The following PPP1R7 variants were observed in gnomAD, a reference collection of about 807,000 sequenced individuals.
PPP1R7 encodes the protein protein phosphatase 1 regulatory subunit 7, also known as protein phosphatase 1 regulatory subunit 22.
In PPP1R7, 18 loss-of-function variants were observed where a neutral mutation model predicts 45.2. The ratio of observed to expected loss-of-function variants is 0.40; its 90% CI spans 0.28 to 0.59. PPP1R7 has a LOEUF of 0.59. PPP1R7 is among the 20% of genes least tolerant of loss of function. The probability of loss-of-function intolerance (pLI) is 0.46; values close to 1 mark genes in which losing one functional copy is unlikely to be tolerated. For missense variants in PPP1R7, 314 were observed against 455.8 expected (o/e 0.69, Z 2.83); for synonymous variants, 181 against 183.4 (o/e 0.99, Z 0.11).
At chr2:241,163,586 CTTTT>C (rs1323569720) in intron 7 of PPP1R7, among the ~76,000 whole-genome samples, 185 bp downstream of exon 7, 1 of 152,138 alleles carries the variant, frequency 6.6e-6, no homozygotes, top group East Asian at 1.9e-4. Context: ...ACTTGATTCT[CTTTT>C]TTATTTTTTA....
intron 9 of PPP1R7, among the ~76,000 whole-genome samples, chr2:241,180,423 C>CA (rs1254441574): frequency 5.1e-5 from 7 of 138,522 alleles, no homozygotes; most frequent in East Asian, 4.1e-4. Context: ...GAAAAAATCG[C>CA]AAAAAAATCT....
At chr2:241,165,910 TA>T (rs933551381) in intron 7 of PPP1R7, among the ~76,000 whole-genome samples, 17 of 146,442 alleles carry the variant, frequency 1.2e-4, no homozygotes, top group African/African-American at 3.3e-4. Flanking sequence ...TATATATATA[TA>T]TTTTTTTTTG....
chr2:241,159,527 A>G (rs533756317), intron 5 of PPP1R7, among the ~76,000 whole-genome samples, 184 bp downstream of exon 5: 2 of 152,304 alleles, frequency 1.3e-5, no homozygotes, highest in South Asian at 2.1e-4. Flanking sequence ...AGGAGGCCTC[A>G]TCGGCTTCAT....
intron 2 of PPP1R7, among the ~76,000 whole-genome samples, chr2:241,154,750 C>T (rs547439446): frequency 2.0e-5 from 3 of 152,212 alleles, no homozygotes; most frequent in African/African-American, 7.2e-5. Flanking sequence ...TGTACTTTTA[C>T]CTGCTAAAGA....
upstream of PPP1R7, chr2:241,150,463 C>G (rs776389222): frequency 7.2e-6 from 11 of 1,525,380 alleles, no homozygotes; most frequent in Non-Finnish European, 7.1e-6. Flanking sequence ...GGGTCTGAGG[C>G]GACAGATTCC....
intron 7 of PPP1R7, among the ~76,000 whole-genome samples, chr2:241,165,903 A>T (rs2067695490): frequency 9.2e-6 from 1 of 108,608 alleles, no homozygotes; most frequent in African/African-American, 3.7e-5. Context: ...AGCCCTTTAT[A>T]TATATATATT....
At chr2:241,160,239 T>G in intron 5 of PPP1R7, 93 bp from the exon 6 acceptor site, 2 of 565,206 alleles carry the variant, frequency 3.5e-6, no homozygotes, top group Non-Finnish European at 5.6e-6. Context: ...TGCCGTCCCC[T>G]GATGGGGACG....
intron 7 of PPP1R7, among the ~76,000 whole-genome samples, chr2:241,165,913 T>TA (rs2067696322): frequency 2.0e-5 from 3 of 146,826 alleles, no homozygotes; most frequent in Non-Finnish European, 3.0e-5. Context: ...ATATATATAT[T>TA]TTTTTTTGAG....
intron 7 of PPP1R7, among the ~76,000 whole-genome samples, chr2:241,165,426 C>A (rs1373662827): frequency 1.3e-5 from 2 of 152,108 alleles, no homozygotes; most frequent in Non-Finnish European, 2.9e-5. Context: ...CTTGGCCTCC[C>A]AAAGTGCTGG....
At chr2:241,178,313 T>G (rs1408909193) in intron 9 of PPP1R7, among the ~76,000 whole-genome samples, 1 of 152,244 alleles carries the variant, frequency 6.6e-6, no homozygotes, top group African/African-American at 2.4e-5. Context: ...TTTGTCCTTT[T>G]GTTCCCTCTT....
At chr2:241,177,938 G>A (rs1000856567) in intron 9 of PPP1R7, among the ~76,000 whole-genome samples, 2 of 152,272 alleles carry the variant, frequency 1.3e-5, no homozygotes, top group Non-Finnish European at 1.5e-5. Context: ...TCTGTTGGCA[G>A]ATGCTGCCCG....
chr2:241,173,744 C>T (rs35201353), intron 9 of PPP1R7, among the ~76,000 whole-genome samples: 21,677 of 152,182 alleles, frequency 0.14, 2,109 homozygotes, highest in African/African-American at 0.28. Context: ...CTCCACCCTG[C>T]TCCACCCCTT....
chr2:241,166,361 G>C lies in PPP1R7; in HGVS notation c.739G>C (p.Gly247Arg). 1 of 1,614,026 alleles carries C rather than the reference G, an allele frequency of 6.2e-7. No homozygotes were observed. The highest frequency in any genetic ancestry group is 8.5e-7 in the Non-Finnish European group (1 of 1,179,958). The change falls in exon 8 of 10, where the codon GGT becomes CGT. Residue 247 changes from glycine (G) to arginine (R), a missense_variant. By Grantham distance (125) the Gly-to-Arg change is moderately radical. Coordinates refer to ENST00000234038, the MANE Select transcript of PPP1R7 (RefSeq NM_002712.3). The part of the protein sequence containing the change: ...MQSNRLTKIE[G>R]LQNLVNLREL... ...GAGCAACCGGCTGACCAAGATCGAG[G>C]GTCTGCAGAACCTGGTGAACCTGCG...
chr2:241,178,263 TAC>T (rs764689130), intron 9 of PPP1R7, among the ~76,000 whole-genome samples: 2 of 152,226 alleles, frequency 1.3e-5, no homozygotes, highest in African/African-American at 2.4e-5. Flanking sequence ...TTCCTTTAAT[TAC>T]AGATGAGTCT....
chr2:241,165,989 G>A (rs1023098811), intron 7 of PPP1R7, among the ~76,000 whole-genome samples: 26 of 148,692 alleles, frequency 1.7e-4, no homozygotes, highest in African/African-American at 5.9e-4. Context: ...TGCAATCTCC[G>A]CCTCCCGGGT....
chr2:241,166,332 T>G lies in PPP1R7; in HGVS notation c.715-5T>G, dbSNP rs751594426. The G allele has an allele frequency of 5.0e-6, 8 of 1,612,836 alleles. No homozygotes were observed. The highest frequency in any genetic ancestry group is 6.8e-6 in the Non-Finnish European group (8 of 1,178,968). ...TCTGACAGCTGTGTGCTCTCCCTCT[T>G]GCAGAGCAACCGGCTGACCAAGATC... On this transcript the variant is annotated splice_polypyrimidine_tract_variant and splice_region_variant and intron_variant, in intron 7 of 9. Transcript: ENST00000234038.
At chr2:241,176,900 T>C (rs1463455830) in intron 9 of PPP1R7, among the ~76,000 whole-genome samples, 3 of 152,206 alleles carry the variant, frequency 2.0e-5, no homozygotes, top group Non-Finnish European at 4.4e-5. Flanking sequence ...TAGCTGTGTT[T>C]CATACAAGTT....
intron 6 of PPP1R7, among the ~76,000 whole-genome samples, chr2:241,160,761 C>A (rs1391899574): frequency 1.6e-4 from 24 of 152,220 alleles, no homozygotes; most frequent in Admixed American, 1.6e-3. Flanking sequence ...TCACACTGTT[C>A]CCAGTTACAT....
At chr2:241,151,956 C>G (rs1331479280) in intron 1 of PPP1R7, among the ~76,000 whole-genome samples, 1 of 152,238 alleles carries the variant, frequency 6.6e-6, no homozygotes, top group African/African-American at 2.4e-5. Context: ...TCCAGACCCT[C>G]TCTGCTGCCC....
Sources: allele counts gnomAD v4.1 joint callset (sites outside exome capture counted in the v4.1 genomes callset), GRCh38; gene constraint gnomAD v4.1.1; transcripts MANE v1.5; gene names NCBI Gene and HGNC (gene_info 2026-07-23, HGNC 2026-07-21).